MFF: variants seen among roughly 807,000 people sequenced by gnomAD.
MFF encodes the protein mitochondrial fission factor, also known as chromosome 2 open reading frame 33.
Under a neutral mutation model 36.9 loss-of-function variants are expected in MFF, and 12 were observed. The observed-to-expected ratio is 0.33, with a 90% CI of 0.21 to 0.53. The LOEUF is 0.53. Ranked by LOEUF, MFF falls within the 20% of genes least tolerant of loss-of-function variation. The pLI is 0.95. For synonymous variants in MFF, 99 were observed against 126.2 expected, an observed-to-expected ratio of 0.78 and a Z score of 1.44; for missense variants, 348 against 366.6, an observed-to-expected ratio of 0.95 and a Z score of 0.42.
At chr2:227,349,316 A>G (rs2075872687) in intron 6 of MFF, among the ~76,000 whole-genome samples, 1 of 152,108 alleles carries the variant, frequency 6.6e-6, no homozygotes, top group Non-Finnish European at 1.5e-5. Flanking sequence ...AGTCAAATGT[A>G]TAAAATCAAA....
Position 227,347,434 on chromosome 2 carries a change from C to T in MFF, c.599+50C>T, listed in dbSNP as rs376096871. Reference sequence around the variant, plus strand: ...ACAGCTTTATTGCATATTTTTTGGCCTCTTGTTTAGTGGACTGTGGTGTCT... The same window carrying T: ...ACAGCTTTATTGCATATTTTTTGGCTTCTTGTTTAGTGGACTGTGGTGTCT... On this transcript the variant is annotated intron_variant, in intron 6 of 8. Transcript: ENST00000304593. 37 of 1,572,454 alleles carry T rather than the reference C, an allele frequency of 2.4e-5. No individual in the cohort carries two copies. In the South Asian group the frequency reaches 3.2e-4, roughly 14 times the overall value.
At chr2:227,337,452 C>T (rs968992773) in intron 4 of MFF, among the ~76,000 whole-genome samples, 1 of 152,124 alleles carries the variant, frequency 6.6e-6, no homozygotes, top group African/African-American at 2.4e-5. Flanking sequence ...TGAGTAGATT[C>T]CTGAAGAAGA....
In MFF at chr2:227,356,951, A is replaced by G. The variant is rs146872066; in HGVS notation, c.745-35A>G. 418 of 1,548,530 alleles carry G rather than the reference A, an allele frequency of 2.7e-4. 5 individuals are homozygous for G. In the East Asian group the frequency reaches 8.5e-3, roughly 31 times the overall value. On this transcript the variant is annotated intron_variant, in intron 8 of 8. Transcript: ENST00000304593. ...GATTGCCCTATTCATTAAAGCCTCT[A>G]TATTATATTTTTTGTGTGTTTGTTT...
Position 227,355,693 on chromosome 2 carries a change from A to G in MFF, c.676A>G (p.Ile226Val), listed in dbSNP as rs996745912. 1.2e-6 allele frequency: 2 copies of G among 1,608,356 alleles called. No individual in the cohort carries two copies. Among genetic ancestry groups the G allele is most frequent in the Non-Finnish European group, 1.7e-6 (2 of 1,175,034 alleles). ...TATCTGCAGGTATGGCATTTCAAAT[A>G]TAGATACAACCATTGAAGGAACGTC... ...HDNVRYGISN[I>V]DTTIEGTSDD... is the part of the protein sequence containing the mutation. Residue 226 changes from isoleucine to valine, a missense_variant, in exon 8 of 9, where the codon ATA (isoleucine) becomes GTA (valine). Physicochemically the swap from Ile to Val is conservative, Grantham distance 29 (BLOSUM62 3). Coordinates refer to ENST00000304593, the MANE Select transcript of MFF (RefSeq NM_001277062.2).
In MFF at chr2:227,357,159, A is replaced by G. The variant is rs2076301359; in HGVS notation, c.*42A>G. On this transcript the variant is annotated 3_prime_UTR_variant, in exon 9 of 9. Transcript: ENST00000304593. The stretch of plus-strand genomic sequence containing the variant: ...CAAAAATACTGTCTCAACAGCTGGA[A>G]ATATAAAAGATTTGCAAACTTCTTT... 6.3e-7 allele frequency: 1 copy of G among 1,587,198 alleles called. No individual in the cohort carries two copies. The highest frequency in any genetic ancestry group is 1.1e-5 in the South Asian group (1 of 88,174).
chr2:227,354,199 G>A (rs1450410010), intron 7 of MFF, among the ~76,000 whole-genome samples: 5 of 152,072 alleles, frequency 3.3e-5, no homozygotes, highest in Non-Finnish European at 7.4e-5. Context: ...ATTGTTTAAG[G>A]TTTTTTGCAT....
chr2:227,330,386 A>C, intron 2 of MFF: 1 of 475,306 alleles, frequency 2.1e-6, no homozygotes, highest in Non-Finnish European at 3.7e-6. Context: ...TTCTATAATA[A>C]TTTAAAAAAT....
At chr2:227,351,996 A>G (rs2076020166) in intron 6 of MFF, 1 of 152,960 alleles carries the variant, frequency 6.5e-6, no homozygotes, top group Non-Finnish European at 1.5e-5. Context: ...ATCAGGCACT[A>G]CTCAAAATTA....
intron 6 of MFF, among the ~76,000 whole-genome samples, chr2:227,347,984 A>G (rs900592141): frequency 5.4e-5 from 8 of 148,132 alleles, no homozygotes; most frequent in African/African-American, 2.0e-4. Context: ...AGACTTATTC[A>G]TACAAATAAT....
intron 5 of MFF, among the ~76,000 whole-genome samples, chr2:227,344,740 C>T (rs377595617): frequency 6.8e-4 from 23 of 34,012 alleles, no homozygotes; most frequent in African/African-American, 2.9e-3. Flanking sequence ...AAAAAAAATA[C>T]TCCCGATTTC....
intron 7 of MFF, among the ~76,000 whole-genome samples, chr2:227,354,381 G>T (rs2076157426): frequency 6.6e-6 from 1 of 152,106 alleles, no homozygotes; most frequent in Non-Finnish European, 1.5e-5. Context: ...TAGAATAGAT[G>T]ATCCATTTGC....
intron 4 of MFF, among the ~76,000 whole-genome samples, chr2:227,333,652 T>C (rs2074769057): frequency 6.6e-6 from 1 of 152,158 alleles, no homozygotes. Flanking sequence ...TACAAAATTC[T>C]TTAATAGCAG....
In MFF at chr2:227,347,339, G is replaced by A. The variant is rs778674150; in HGVS notation, c.554G>A (p.Arg185His). The A allele has an allele frequency of 3.1e-6, 5 of 1,613,592 alleles. No homozygotes were observed. Among genetic ancestry groups the A allele is most frequent in the Admixed American group, 1.7e-5 (1 of 59,984 alleles). The change falls in exon 6 of 9, where the codon CGT becomes CAT. Residue 185 changes from arginine to histidine, a missense_variant. Physicochemically the swap from Arg to His is conservative, Grantham distance 29. Transcript: ENST00000304593. Reference sequence around the variant, plus strand: ...TTGTCGCTTATCCAGTCTTCTACTCGTAGGGCATACCAGCAGATCTTGGAT... The same window carrying A: ...TTGTCGCTTATCCAGTCTTCTACTCATAGGGCATACCAGCAGATCTTGGAT... ...GILSLIQSST[R>H]RAYQQILDVL...
At chr2:227,339,413 A>G (rs748736636) in intron 4 of MFF, among the ~76,000 whole-genome samples, 3 of 152,210 alleles carry the variant, frequency 2.0e-5, no homozygotes, top group Non-Finnish European at 4.4e-5. Flanking sequence ...GGCCTAAGCT[A>G]GGAAGTCTCA....
chr2:227,328,295 CAAAA>C (rs869086091), intron 1 of MFF, among the ~76,000 whole-genome samples: 1 of 72,644 alleles, frequency 1.4e-5, no homozygotes, highest in Middle Eastern at 8.8e-3. Context: ...GCCCGGGTGA[CAAAA>C]AAAAAAAAAA....
At chr2:227,350,230 A>G (rs1276716715) in intron 6 of MFF, among the ~76,000 whole-genome samples, 1 of 152,114 alleles carries the variant, frequency 6.6e-6, no homozygotes, top group African/African-American at 2.4e-5. Flanking sequence ...CAGGTGTGTC[A>G]TTTGCTCAGG....
intron 2 of MFF, chr2:227,329,750 G>A (rs753001188): frequency 9.5e-6 from 15 of 1,572,250 alleles, no homozygotes; most frequent in Non-Finnish European, 1.2e-5. Context: ...ATTTAAATGA[G>A]TAAAGGAACA....
intron 6 of MFF, among the ~76,000 whole-genome samples, chr2:227,351,260 G>A (rs1301359807): frequency 1.3e-5 from 2 of 152,114 alleles, no homozygotes; most frequent in Non-Finnish European, 2.9e-5. Flanking sequence ...TAAAATAAAA[G>A]TCAAACATGT....
intron 7 of MFF, among the ~76,000 whole-genome samples, chr2:227,353,901 G>T (rs1220553688): frequency 6.6e-6 from 1 of 151,964 alleles, no homozygotes; most frequent in Non-Finnish European, 1.5e-5. Context: ...TTATTCCTCT[G>T]TTATGTGGCC....
Sources: allele counts gnomAD v4.1 joint callset (sites outside exome capture counted in the v4.1 genomes callset), GRCh38; gene constraint gnomAD v4.1.1; transcripts MANE v1.5; gene names NCBI Gene and HGNC (gene_info 2026-07-23, HGNC 2026-07-21).